ZNF609: variants seen among roughly 807,000 people sequenced by gnomAD.
ZNF609 encodes zinc finger protein 609.
Under a neutral mutation model 109.5 loss-of-function variants are expected in ZNF609, and 11 were observed. That is an observed-to-expected ratio of 0.10 (90% confidence interval 0.06 to 0.17). The LOEUF is 0.17. Among genes scored for constraint, ZNF609 ranks in the 10% least tolerant of loss-of-function variants. The probability of loss-of-function intolerance (pLI) is 1.00; values close to 1 mark genes in which losing one functional copy is unlikely to be tolerated. For missense variants in ZNF609, 1,559 were observed against 1,772.4 expected (o/e 0.88, Z 2.16); for synonymous variants, 646 against 662.0 (o/e 0.98, Z 0.37).
intron 2 of ZNF609, among the ~76,000 whole-genome samples, chr15:64,521,259 C>T (rs1284105260): frequency 6.6e-6 from 1 of 152,196 alleles, no homozygotes; most frequent in Non-Finnish European, 1.5e-5. Flanking sequence ...GAGGTGGTAA[C>T]CAGCTCATAA....
intron 6 of ZNF609, among the ~76,000 whole-genome samples, chr15:64,679,335 G>A (rs930426376): frequency 6.6e-6 from 1 of 152,178 alleles, no homozygotes; most frequent in Non-Finnish European, 1.5e-5. Flanking sequence ...GCCTCCCAAA[G>A]TGCTGAGATA....
intron 2 of ZNF609, among the ~76,000 whole-genome samples, chr15:64,503,479 C>G (rs1051446117): frequency 1.3e-5 from 2 of 152,074 alleles, no homozygotes; most frequent in African/African-American, 4.8e-5. Flanking sequence ...TCTGAGTGTC[C>G]TGAGCTTAGT....
intron 2 of ZNF609, among the ~76,000 whole-genome samples, chr15:64,591,530 T>C (rs1595730585): frequency 6.6e-6 from 1 of 152,060 alleles, no homozygotes; most frequent in Middle Eastern, 3.2e-3. Context: ...TGCATACCCT[T>C]TTACTTGCTT....
intron 2 of ZNF609, among the ~76,000 whole-genome samples, chr15:64,577,196 C>A: frequency 8.4e-6 from 1 of 118,354 alleles, no homozygotes; most frequent in Non-Finnish European, 1.6e-5. Flanking sequence ...TATATATACA[C>A]ACAAATACAT....
intron 2 of ZNF609, chr15:64,501,487 G>A (rs929817859): frequency 3.3e-5 from 5 of 152,182 alleles, no homozygotes; most frequent in African/African-American, 1.2e-4. Context: ...TGTTTAGGTG[G>A]CAGATGCTAT....
intron 3 of ZNF609, among the ~76,000 whole-genome samples, chr15:64,647,537 C>T (rs1896353286): frequency 6.6e-6 from 1 of 151,936 alleles, no homozygotes; most frequent in Admixed American, 6.6e-5. Flanking sequence ...ATATTTTTAA[C>T]AAATTGAGAC....
chr15:64,488,746 C>G (rs964212313), intron 1 of ZNF609, among the ~76,000 whole-genome samples: 1 of 152,064 alleles, frequency 6.6e-6, no homozygotes, highest in Non-Finnish European at 1.5e-5. Context: ...CTGAAAAATG[C>G]TAAATGTTTT....
chr15:64,514,119 C>A (rs368877998), intron 2 of ZNF609, among the ~76,000 whole-genome samples: 16 of 150,764 alleles, frequency 1.1e-4, no homozygotes, highest in Admixed American at 5.9e-4. Context: ...CAGTTCAAAT[C>A]TCCTATCTCT....
chr15:64,658,305 C>A (rs576184160), intron 3 of ZNF609, among the ~76,000 whole-genome samples: 26 of 152,052 alleles, frequency 1.7e-4, no homozygotes, highest in Non-Finnish European at 3.2e-4. Flanking sequence ...TCAAGCAATT[C>A]TCCTGTCTCA....
chr15:64,675,995 A>G lies in ZNF609; in HGVS notation c.3141A>G (p.Pro1047=). 6.2e-7 allele frequency: 1 copy of G among 1,614,206 alleles called. No homozygotes were observed. Among genetic ancestry groups the G allele is most frequent in the Non-Finnish European group, 8.5e-7 (1 of 1,180,030 alleles). Residue 1047 remains proline, a synonymous_variant, in exon 5 of 10, where the codon CCA becomes CCG. Transcript: ENST00000326648. ...KEEWKQKPSI[P]PTLTKAPSLT... ...AGTGGAAGCAAAAGCCGTCAATTCCACCAACTCTCACCAAGGCCCCCAGCC... is the reference window on the plus strand; with the variant it reads ...AGTGGAAGCAAAAGCCGTCAATTCCGCCAACTCTCACCAAGGCCCCCAGCC...
At chr15:64,481,384 G>T (rs866587449) in intron 1 of ZNF609, among the ~76,000 whole-genome samples, 1 of 147,742 alleles carries the variant, frequency 6.8e-6, no homozygotes, top group Non-Finnish European at 1.5e-5. Flanking sequence ...GCAATGGCGC[G>T]ATCTCGGCTC....
intron 3 of ZNF609, among the ~76,000 whole-genome samples, chr15:64,623,777 G>T (rs891393186): frequency 5.9e-5 from 9 of 152,110 alleles, no homozygotes; most frequent in African/African-American, 1.9e-4. Context: ...ACTTAATGGG[G>T]TATTTCAGAT....
chr15:64,635,303 G>C (rs1896157337), intron 3 of ZNF609, among the ~76,000 whole-genome samples: 1 of 152,182 alleles, frequency 6.6e-6, no homozygotes, highest in African/African-American at 2.4e-5. Flanking sequence ...ATTTAGTTGA[G>C]TGATACCTAG....
intron 3 of ZNF609, among the ~76,000 whole-genome samples, chr15:64,657,140 T>A (rs1268302986): frequency 6.6e-6 from 1 of 151,606 alleles, no homozygotes. Context: ...GTGCCTGTAG[T>A]CCCAGCTACT....
chr15:64,554,406 C>G (rs781382878), intron 2 of ZNF609, among the ~76,000 whole-genome samples: 1 of 152,058 alleles, frequency 6.6e-6, no homozygotes, highest in Non-Finnish European at 1.5e-5. Flanking sequence ...CTTGGGAGGC[C>G]AAGGCAGGCA....
At chr15:64,617,329 TAA>T (rs774259983) in intron 2 of ZNF609, among the ~76,000 whole-genome samples, 3 of 139,634 alleles carry the variant, frequency 2.1e-5, no homozygotes, top group Admixed American at 7.2e-5. Flanking sequence ...GCCAAAAAAT[TAA>T]AAAAAAAAAA....
intron 2 of ZNF609, among the ~76,000 whole-genome samples, chr15:64,516,562 G>A (rs1040868674): frequency 1.3e-5 from 2 of 152,146 alleles, no homozygotes; most frequent in African/African-American, 2.4e-5. Context: ...ATTTTTGGTA[G>A]AGATGGGGTT....
chr15:64,602,862 A>C (rs1895524735), intron 2 of ZNF609, among the ~76,000 whole-genome samples: 1 of 141,450 alleles, frequency 7.1e-6, no homozygotes, highest in Non-Finnish European at 1.5e-5. Context: ...AGCTGGGACT[A>C]CAGGTGCCTG....
At chr15:64,649,051 C>T (rs781042469) in intron 3 of ZNF609, among the ~76,000 whole-genome samples, 1 of 151,974 alleles carries the variant, frequency 6.6e-6, no homozygotes, top group Non-Finnish European at 1.5e-5. Context: ...TGAAATGACT[C>T]CAGCTTTGGT....
Sources: gnomAD v4.1 joint callset for allele counts (sites outside exome capture counted in the v4.1 genomes callset) on GRCh38, gnomAD v4.1.1 for gene constraint, MANE v1.5 for transcripts, NCBI Gene and HGNC (gene_info 2026-07-23, HGNC 2026-07-21) for gene names.